The following OC90 variants were observed in gnomAD, a reference collection of about 807,000 sequenced individuals.
The protein encoded by OC90 is otoconin 90.
OC90 carries 46 observed loss-of-function variants against 47.3 expected under a neutral mutation model. That is an observed-to-expected ratio of 0.97 (90% confidence interval 0.77 to 1.24). The LOEUF (loss-of-function observed/expected upper bound fraction) is 1.24. Ranked by LOEUF, OC90 falls within the 50% of genes most tolerant of loss-of-function variation. OC90 has a pLI of 0.00. For synonymous variants in OC90, 271 were observed against 219.5 expected, an observed-to-expected ratio of 1.23 and a Z score of -2.07; for missense variants, 688 against 583.9, an observed-to-expected ratio of 1.18 and a Z score of -1.84.
chr8:132,033,448 G>A (rs2130853718), intron 10 of OC90, among the ~76,000 whole-genome samples: 1 of 152,332 alleles, frequency 6.6e-6, no homozygotes, highest in South Asian at 2.1e-4. Flanking sequence ...TTTGTGTCAT[G>A]TTTAGTATCA....
At chr8:132,028,821 A>AAAAG (rs1428899705) in intron 13 of OC90, among the ~76,000 whole-genome samples, 16 of 142,354 alleles carry the variant, frequency 1.1e-4, no homozygotes, top group Admixed American at 4.2e-4. Context: ...GAAAGAAAGA[A>AAAAG]AAAGAAAGAA....
intron 13 of OC90, among the ~76,000 whole-genome samples, chr8:132,026,965 C>T (rs76090244): frequency 0.012 from 1,798 of 152,294 alleles, 40 homozygotes; most frequent in African/African-American, 0.041. Context: ...GCTCAGTTGT[C>T]CCTACACTGC....
chr8:132,036,450 C>T, intron 9 of OC90: 1 of 780,112 alleles, frequency 1.3e-6, no homozygotes, highest in East Asian at 2.4e-5. Context: ...TTTTAATGAT[C>T]AGTTCAGCTA....
intron 10 of OC90, among the ~76,000 whole-genome samples, chr8:132,033,549 C>T (rs1185147685): frequency 1.3e-5 from 2 of 152,186 alleles, no homozygotes; most frequent in South Asian, 2.1e-4. Flanking sequence ...TCATGATACA[C>T]AACAAGGTAG....
intron 2 of OC90, among the ~76,000 whole-genome samples, chr8:132,048,131 A>C (rs3923555): frequency 0.36 from 54,643 of 151,982 alleles, 10,068 homozygotes; most frequent in East Asian, 0.48. Flanking sequence ...GACTTTCCTG[A>C]CTCCAAAACT....
intron 12 of OC90, among the ~76,000 whole-genome samples, chr8:132,029,682 A>C (rs947338446): frequency 6.6e-6 from 1 of 152,182 alleles, no homozygotes; most frequent in Admixed American, 6.5e-5. Flanking sequence ...TCCTGAGCAT[A>C]AATAAAGAAC....
chr8:132,049,968 G>A (rs551458296), intron 2 of OC90: 21 of 427,274 alleles, frequency 4.9e-5, no homozygotes, highest in Admixed American at 1.9e-4. Flanking sequence ...TCACCTCTAC[G>A]TGATTCAAAT....
rs756631816 is a variant in OC90 at position 132,024,634 on chromosome 8, G to A, written c.1281C>T (p.Asp427=). The A allele has an allele frequency of 4.3e-6, 7 of 1,613,494 alleles. No homozygotes were observed. In the East Asian group the frequency reaches 1.6e-4, roughly 36 times the overall value. Residue 427 remains aspartate (D), a synonymous_variant, in exon 14 of 14, where the codon GAC becomes GAT. Coordinates refer to ENST00000254627, the MANE Select transcript of OC90 (RefSeq NM_001080399.3). ...GGGCTGCGGGCACAGGGTGCAGGCT[G>A]TCTTCACAGGCTGCTGGCTGCCCAG... ...GCPGQPAACE[D]SLHPVPAAPT... is the part of the protein sequence containing the mutation.
At chr8:132,058,371 C>T (rs1211506047) in intron 1 of OC90, among the ~76,000 whole-genome samples, 3 of 152,162 alleles carry the variant, frequency 2.0e-5, no homozygotes, top group Non-Finnish European at 4.4e-5. Context: ...CTGTCGTGGC[C>T]TCATGGGTCA....
At chr8:132,030,767 A>C (rs1025746808) in intron 12 of OC90, among the ~76,000 whole-genome samples, 1 of 152,196 alleles carries the variant, frequency 6.6e-6, no homozygotes, top group African/African-American at 2.4e-5. Flanking sequence ...GATTTCCTTC[A>C]CTGAAAATCT....
Position 132,024,450 on chromosome 8 carries a change from ACTG to A in OC90, c.*28_*30del. ...CTGAAGGTGGAGCAGGAGCCACGCT[ACTG>A]AAGGTGTTAGCCATTTTCTCTGGGC... On this transcript the variant is annotated 3_prime_UTR_variant, in exon 14 of 14. Transcript: ENST00000254627. The A allele has an allele frequency of 6.7e-7, 1 of 1,485,360 alleles. No individual in the cohort carries two copies. The highest frequency in any genetic ancestry group is 1.3e-5 in the South Asian group (1 of 75,440). The allele number at this position is 1,485,360 out of a possible 1,614,324, so 92.0% of individuals were successfully genotyped here. A position where few individuals can be genotyped will look rare whatever the true frequency, so the allele number is the denominator to read the frequency against.
chr8:132,051,118 G>A (rs139191745), intron 2 of OC90, among the ~76,000 whole-genome samples: 33 of 152,316 alleles, frequency 2.2e-4, no homozygotes, highest in African/African-American at 7.5e-4. Context: ...ATCTAAAGAT[G>A]ATCCTATTCA....
chr8:132,038,694 C>T (rs16904579), intron 8 of OC90, 96 bp downstream of exon 8: 53,093 of 939,682 alleles, frequency 0.057, 3,042 homozygotes, highest in Admixed American at 0.22. Context: ...ACTCCAGCTC[C>T]AGTGAGGCAG....
rs565670714 is a variant in OC90, at chr8:132,053,936, T to C, written c.46+1045A>G. ...CCAACATGGAAGCTGCTCCCCGTCC[T>C]GCTGGAGGGATAGAGACCCCTGGAG... On this transcript the variant is annotated intron_variant, in intron 2 of 13. Coordinates refer to ENST00000254627, the MANE Select transcript of OC90 (RefSeq NM_001080399.3). Among the ~76,000 whole-genome samples the C allele has an allele frequency of 2.0e-5, 3 of 152,324 alleles. No individual in the cohort carries two copies. The South Asian group carries it at 6.2e-4, about 32-fold the overall frequency.
chr8:132,044,351 C>T, intron 4 of OC90, 82 bp downstream of exon 4: 1 of 803,458 alleles, frequency 1.2e-6, no homozygotes, highest in Non-Finnish European at 2.1e-6. Context: ...AGGGTTGAGA[C>T]CAAGGCCCTT....
In OC90 at chr8:132,024,260, G is replaced by T. The variant is rs1822719390; in HGVS notation, c.*221C>A. ...TGAGCTTCCACAGTGCACTAAAGGA[G>T]CATGGAGGTACCATGGTGTGCCTTC... On this transcript the variant is annotated 3_prime_UTR_variant, in exon 14 of 14. Coordinates refer to ENST00000254627, the MANE Select transcript of OC90 (RefSeq NM_001080399.3). 2.1e-6 allele frequency: 1 copy of T among 477,872 alleles called. No homozygotes were observed. Among genetic ancestry groups the T allele is most frequent in the Non-Finnish European group, 3.7e-6 (1 of 269,384 alleles). 29.6% of individuals were successfully genotyped at this position (477,872 alleles called of 1,614,324 possible).
chr8:132,040,025 C>T (rs981035326), intron 6 of OC90, among the ~76,000 whole-genome samples: 12 of 152,200 alleles, frequency 7.9e-5, no homozygotes, highest in Admixed American at 1.3e-4. Flanking sequence ...TCAGGCTATC[C>T]CCAGCACAGA....
chr8:132,047,400 G>A (rs2130861818), intron 2 of OC90, among the ~76,000 whole-genome samples: 2 of 152,216 alleles, frequency 1.3e-5, no homozygotes, highest in South Asian at 4.1e-4. Context: ...GTTACAGTGA[G>A]TCTAAATTTG....
At position 132,032,868 on chromosome 8, in the gene OC90, G is replaced by A. The variant is rs113873858; in HGVS notation, c.859+171C>T. ...CCTCCCAGTGGCTGAGTGGCTACAG[G>A]CAGCTTACATCTCCTCTGAGCCTCA... On this transcript the variant is annotated intron_variant, in intron 11 of 13. Coordinates refer to ENST00000254627, the MANE Select transcript of OC90 (RefSeq NM_001080399.3). 7.8e-3 allele frequency among the ~76,000 whole-genome samples: 1,188 copies of A among 152,256 alleles called. 22 individuals carry two copies. Among genetic ancestry groups the A allele is most frequent in the African/African-American group, 0.027 (1,130 of 41,532 alleles).
Sources: gnomAD v4.1 joint callset for allele counts (sites outside exome capture counted in the v4.1 genomes callset) on GRCh38, gnomAD v4.1.1 for gene constraint, MANE v1.5 for transcripts, NCBI Gene and HGNC (gene_info 2026-07-23, HGNC 2026-07-21) for gene names.